ZBTB20: variants seen among roughly 807,000 people sequenced by gnomAD.
ZBTB20 encodes zinc finger and BTB domain containing 20.
ZBTB20 carries 9 observed loss-of-function variants against 56.9 expected under a neutral mutation model. That is an observed-to-expected ratio of 0.16 (90% CI 0.10 to 0.28). ZBTB20 has a LOEUF of 0.28. Ranked by LOEUF, ZBTB20 falls within the 10% of genes least tolerant of loss-of-function variation. The pLI is 1.00. For missense variants in ZBTB20, 655 were observed against 1,003.0 expected (o/e 0.65, Z 4.69); for synonymous variants, 417 against 420.7 (o/e 0.99, Z 0.11).
intron 6 of ZBTB20, among the ~76,000 whole-genome samples, chr3:114,683,968 C>T (rs2062157692): frequency 6.6e-6 from 1 of 152,100 alleles, no homozygotes; most frequent in Admixed American, 6.6e-5. Flanking sequence ...TCTGATATTG[C>T]ATCCTTTAAA....
chr3:115,034,605 T>C (rs767998332), intron 2 of ZBTB20, among the ~76,000 whole-genome samples: 11 of 151,904 alleles, frequency 7.2e-5, no homozygotes, highest in Non-Finnish European at 1.6e-4. Context: ...ATGAAAAGAA[T>C]TGTGTTCACG....
At chr3:114,916,454 A>G (rs1325831675) in intron 3 of ZBTB20, among the ~76,000 whole-genome samples, 3 of 152,080 alleles carry the variant, frequency 2.0e-5, no homozygotes, top group African/African-American at 4.8e-5. Context: ...ATTATGTACT[A>G]TGTAATAGTA....
chr3:114,464,932 A>C (rs2092477357), intron 7 of ZBTB20, among the ~76,000 whole-genome samples: 1 of 152,118 alleles, frequency 6.6e-6, no homozygotes, highest in South Asian at 2.1e-4. Flanking sequence ...TTCAGCTCTG[A>C]ATATCCAGGA....
intron 2 of ZBTB20, among the ~76,000 whole-genome samples, chr3:115,047,808 G>A (rs1319699628): frequency 1.3e-5 from 2 of 152,130 alleles, no homozygotes; most frequent in Non-Finnish European, 2.9e-5. Flanking sequence ...TATGTATAAC[G>A]AAATTGTTTA....
intron 8 of ZBTB20, among the ~76,000 whole-genome samples, chr3:114,382,411 A>G (rs995521834): frequency 1.3e-5 from 2 of 152,302 alleles, no homozygotes; most frequent in South Asian, 2.1e-4. Context: ...TATATTGGCC[A>G]TACTGTACCC....
intron 2 of ZBTB20, among the ~76,000 whole-genome samples, chr3:115,068,639 T>C (rs549090415): frequency 2.0e-5 from 3 of 152,204 alleles, no homozygotes; most frequent in African/African-American, 7.2e-5. Context: ...CAGGTAAAGA[T>C]AGACTATAAT....
At chr3:114,984,441 CT>C (rs1193794867) in intron 2 of ZBTB20, among the ~76,000 whole-genome samples, 1 of 151,932 alleles carries the variant, frequency 6.6e-6, no homozygotes, top group Admixed American at 6.6e-5. Flanking sequence ...AATGTCCCTG[CT>C]CCGTCACCAT....
intron 6 of ZBTB20, among the ~76,000 whole-genome samples, chr3:114,549,507 T>C (rs1475993209): frequency 6.6e-6 from 1 of 152,208 alleles, no homozygotes; most frequent in Non-Finnish European, 1.5e-5. Context: ...ATATCTTGAA[T>C]ATATGCAGTA....
chr3:115,119,033 A>C (rs886607853), intron 1 of ZBTB20, among the ~76,000 whole-genome samples: 3 of 152,192 alleles, frequency 2.0e-5, no homozygotes, highest in African/African-American at 7.2e-5. Context: ...TATTGAAAAA[A>C]TAGATAATGT....
At chr3:114,610,762 G>A (rs964659079) in intron 6 of ZBTB20, among the ~76,000 whole-genome samples, 1 of 152,076 alleles carries the variant, frequency 6.6e-6, no homozygotes, top group Non-Finnish European at 1.5e-5. Flanking sequence ...AGAAGATGAA[G>A]GGAAAAGTAA....
chr3:114,995,177 A>T (rs2078974714), intron 2 of ZBTB20, among the ~76,000 whole-genome samples: 1 of 151,924 alleles, frequency 6.6e-6, no homozygotes, highest in South Asian at 2.1e-4. Context: ...AAAAGGTGGA[A>T]CTGTAAACAC....
intron 1 of ZBTB20, among the ~76,000 whole-genome samples, chr3:115,127,773 T>C (rs1049069028): frequency 6.6e-6 from 1 of 152,184 alleles, no homozygotes; most frequent in Non-Finnish European, 1.5e-5. Flanking sequence ...GAATGTTTAT[T>C]ACAATGCTAA....
chr3:114,532,384 G>T (rs1305906955), intron 6 of ZBTB20, among the ~76,000 whole-genome samples: 1 of 152,162 alleles, frequency 6.6e-6, no homozygotes, highest in Non-Finnish European at 1.5e-5. Flanking sequence ...AGTTCAAACT[G>T]GGTGGAGCCC....
intron 7 of ZBTB20, among the ~76,000 whole-genome samples, chr3:114,439,871 T>G (rs79237419): frequency 0.043 from 6,474 of 152,302 alleles, 193 homozygotes; most frequent in South Asian, 0.068. Context: ...GATTTAGGAT[T>G]TTTTAAAAGA....
At chr3:114,987,953 AG>A (rs773714676) in intron 2 of ZBTB20, among the ~76,000 whole-genome samples, 3 of 152,134 alleles carry the variant, frequency 2.0e-5, no homozygotes, top group Non-Finnish European at 4.4e-5. Flanking sequence ...ACCTTGCCAA[AG>A]GTAAGTCTTG....
At chr3:114,605,419 G>A (rs2057069100) in intron 6 of ZBTB20, among the ~76,000 whole-genome samples, 1 of 152,018 alleles carries the variant, frequency 6.6e-6, no homozygotes, top group South Asian at 2.1e-4. Context: ...TCTTCCTCTG[G>A]GTTCTGTTCT....
chr3:114,611,619 T>A (rs1166233076), intron 6 of ZBTB20, among the ~76,000 whole-genome samples: 1 of 152,128 alleles, frequency 6.6e-6, no homozygotes, highest in East Asian at 1.9e-4. Context: ...AATTACCCAA[T>A]CCTAGGTTGG....
In ZBTB20 at chr3:114,394,897, G is replaced by C. The variant is rs1052527310; in HGVS notation, c.-254-5792C>G. ...AAAAAATTGTTTTTAGATCCCCAAG[G>C]GTTTTCCCCTCTCTCTGGAAATTCA... On this transcript the variant is annotated intron_variant, in intron 7 of 11. Transcript: ENST00000675478. Among the ~76,000 whole-genome samples the C allele has an allele frequency of 4.0e-5, 6 of 151,824 alleles. No individual in the cohort carries two copies. The East Asian group carries it at 5.8e-4, about 15-fold the overall frequency.
intron 7 of ZBTB20, among the ~76,000 whole-genome samples, chr3:114,430,548 T>A (rs2090042292): frequency 6.6e-6 from 1 of 152,188 alleles, no homozygotes; most frequent in African/African-American, 2.4e-5. Flanking sequence ...AAACACACAT[T>A]TTCTGCCACC....
Sources: allele counts gnomAD v4.1 joint callset (sites outside exome capture counted in the v4.1 genomes callset), GRCh38; gene constraint gnomAD v4.1.1; transcripts MANE v1.5; gene names NCBI Gene and HGNC (gene_info 2026-07-23, HGNC 2026-07-21).